The following PAPPA2 variants were observed in gnomAD, a reference collection of about 807,000 sequenced individuals.
The protein encoded by PAPPA2 is pappalysin-2.
PAPPA2 carries 86 observed loss-of-function variants against 176.4 expected under a neutral mutation model. That is an observed-to-expected ratio of 0.49 (90% CI 0.41 to 0.58). The LOEUF (loss-of-function observed/expected upper bound fraction) is 0.58. Ranked by LOEUF, PAPPA2 falls within the 20% of genes least tolerant of loss-of-function variation. The pLI is 0.00. For missense variants in PAPPA2, 2,073 were observed against 2,256.9 expected (o/e 0.92, Z 1.65); for synonymous variants, 809 against 852.2 (o/e 0.95, Z 0.88).
intron 3 of PAPPA2, among the ~76,000 whole-genome samples, chr1:176,660,376 T>A (rs1658295032): frequency 6.6e-6 from 1 of 151,560 alleles, no homozygotes; most frequent in South Asian, 2.1e-4. Flanking sequence ...AAGTGTAGAT[T>A]TTACATCAGA....
intron 12 of PAPPA2, among the ~76,000 whole-genome samples, chr1:176,731,696 TAC>T (rs1042928112): frequency 6.6e-6 from 1 of 151,948 alleles, no homozygotes; most frequent in Non-Finnish European, 1.5e-5. Context: ...CATATATGTG[TAC>T]ATATATGTGT....
intron 3 of PAPPA2, among the ~76,000 whole-genome samples, chr1:176,649,053 C>T (rs1657565148): frequency 6.6e-6 from 1 of 151,342 alleles, no homozygotes; most frequent in African/African-American, 2.4e-5. Flanking sequence ...ACAGTGAAGC[C>T]ATCAGGTCCT....
intron 2 of PAPPA2, among the ~76,000 whole-genome samples, chr1:176,587,825 C>T (rs1653414419): frequency 6.6e-6 from 1 of 152,218 alleles, no homozygotes; most frequent in Admixed American, 6.5e-5. Context: ...AGCAAACCAA[C>T]ATGGCACACG....
intron 14 of PAPPA2, among the ~76,000 whole-genome samples, chr1:176,758,113 AT>A (rs1663515399): frequency 6.6e-6 from 1 of 152,130 alleles, no homozygotes; most frequent in Non-Finnish European, 1.5e-5. Context: ...ATAATTCAAC[AT>A]TTTTCTATCA....
At chr1:176,710,336 T>C (rs1661088081) in intron 11 of PAPPA2, among the ~76,000 whole-genome samples, 160 bp downstream of exon 11, 1 of 152,156 alleles carries the variant, frequency 6.6e-6, no homozygotes, top group Non-Finnish European at 1.5e-5. Flanking sequence ...GCTATTACAA[T>C]TACATGATGT....
At chr1:176,561,166 G>A (rs1436340162) in intron 2 of PAPPA2, among the ~76,000 whole-genome samples, 1 of 152,098 alleles carries the variant, frequency 6.6e-6, no homozygotes, top group East Asian at 1.9e-4. Flanking sequence ...GCTTTTCTAT[G>A]CCTTCATTTC....
intron 1 of PAPPA2, among the ~76,000 whole-genome samples, chr1:176,481,034 C>T (rs917788796): frequency 1.3e-5 from 2 of 152,070 alleles, no homozygotes; most frequent in Non-Finnish European, 2.9e-5. Flanking sequence ...CCTACCTGCA[C>T]CACCCACTCT....
Position 176,616,839 on chromosome 1 carries a change from T to C in PAPPA2, c.1991+21244T>C, listed in dbSNP as rs1655291816. 9 of 592,276 alleles carry C rather than the reference T, an allele frequency of 1.5e-5. No individual in the cohort carries two copies. The East Asian group carries it at 3.5e-4, about 23-fold the overall frequency. The allele number at this position is 592,276 out of a possible 1,614,324, so 36.7% of individuals were successfully genotyped here. A position where few individuals can be genotyped will look rare whatever the true frequency, so the allele number is the denominator to read the frequency against. On this transcript the variant is annotated intron_variant, in intron 3 of 22. Coordinates refer to ENST00000367662, the MANE Select transcript of PAPPA2 (RefSeq NM_020318.3). ...ATAGGGTTATGAAATAATTAAAAAA[T>C]TGAATACAGAAATGATTCAAAGAAA...
In PAPPA2 at chr1:176,699,390, G is replaced by A. The variant is rs189818479; in HGVS notation, c.3037G>A (p.Val1013Met). The A allele has an allele frequency of 6.3e-5, 101 of 1,614,152 alleles. No homozygotes were observed. The East Asian group carries it at 8.0e-4, about 13-fold the overall frequency. The change falls in exon 8 of 23, where the codon GTG becomes ATG. Residue 1013 changes from valine (V) to methionine (M), a missense_variant. Val to Met is a conservative substitution (Grantham distance 21, BLOSUM62 1). Around this residue, in one of 4 missense-constraint regions of PAPPA2, gnomAD observed 1,196 missense variants for 1,330.4 expected, o/e 0.90. Coordinates refer to ENST00000367662, the MANE Select transcript of PAPPA2 (RefSeq NM_020318.3). ...CDIPLTIKLH[V>M]DGKVSGVKVY... ...CATCCCACTCACCATCAAACTGCAC[G>A]TGGATGGGAAGGTGTCGGGGGTGAA...
At chr1:176,533,564 G>T (rs1007756723) in intron 1 of PAPPA2, among the ~76,000 whole-genome samples, 1 of 152,202 alleles carries the variant, frequency 6.6e-6, no homozygotes, top group East Asian at 1.9e-4. Context: ...AGCTGGAGGC[G>T]TGAGGATGTT....
intron 3 of PAPPA2, among the ~76,000 whole-genome samples, chr1:176,627,585 G>A (rs748356518): frequency 1.3e-5 from 2 of 152,118 alleles, no homozygotes; most frequent in Non-Finnish European, 2.9e-5. Flanking sequence ...CTTAAAAAAG[G>A]TGTTATTTTC....
At chr1:176,801,150 T>G (rs934383994) in intron 21 of PAPPA2, among the ~76,000 whole-genome samples, 1 of 151,400 alleles carries the variant, frequency 6.6e-6, no homozygotes, top group Admixed American at 6.6e-5. Context: ...AACCTAAGAA[T>G]AGCCAGTGAC....
rs1222856453 is a variant in PAPPA2, at chr1:176,518,671, G to C, written c.-916-36736G>C. On this transcript the variant is annotated intron_variant, in intron 1 of 22. Coordinates refer to ENST00000367662, the MANE Select transcript of PAPPA2 (RefSeq NM_020318.3). ...TAAACTCAGGAACCATCTGCATTTA[G>C]CATATTCCTGAACATGAGCCCACAT... 6.6e-5 allele frequency among the ~76,000 whole-genome samples: 10 copies of C among 152,244 alleles called. No individual in the cohort carries two copies. The East Asian group carries it at 1.9e-3, about 29-fold the overall frequency.
chr1:176,690,462 A>G (rs1256193670), intron 5 of PAPPA2, 32 bp downstream of exon 5: 27 of 1,602,170 alleles, frequency 1.7e-5, no homozygotes, highest in Non-Finnish European at 2.2e-5. Context: ...GTTTTCTGTT[A>G]AGAATACATG....
intron 1 of PAPPA2, among the ~76,000 whole-genome samples, chr1:176,469,678 C>T (rs1048200450): frequency 9.2e-5 from 14 of 152,136 alleles, no homozygotes; most frequent in African/African-American, 3.4e-4. Context: ...ATCCACTGGG[C>T]CAAAGTTCTG....
chr1:176,749,558 G>A (rs906814895), intron 14 of PAPPA2, among the ~76,000 whole-genome samples: 1 of 152,152 alleles, frequency 6.6e-6, no homozygotes, highest in Non-Finnish European at 1.5e-5. Context: ...ATCACACACA[G>A]CATTGTCACT....
At chr1:176,615,724 C>T (rs1380797814) in intron 3 of PAPPA2, among the ~76,000 whole-genome samples, 1 of 152,154 alleles carries the variant, frequency 6.6e-6, no homozygotes, top group Non-Finnish European at 1.5e-5. Flanking sequence ...CTAAGCAAAC[C>T]TGATGTATAC....
chr1:176,768,118 C>T (rs990149737), intron 15 of PAPPA2, among the ~76,000 whole-genome samples: 4 of 152,120 alleles, frequency 2.6e-5, no homozygotes, highest in Non-Finnish European at 5.9e-5. Context: ...TATCTTTGAC[C>T]TTTGATAATC....
intron 14 of PAPPA2, among the ~76,000 whole-genome samples, chr1:176,741,359 A>C (rs1405413044): frequency 1.3e-5 from 2 of 152,194 alleles, no homozygotes; most frequent in Admixed American, 6.5e-5. Context: ...GGCAGTGAGC[A>C]TGCTCACATA....
Sources: allele counts gnomAD v4.1 joint callset (sites outside exome capture counted in the v4.1 genomes callset), GRCh38; gene constraint gnomAD v4.1.1; regional missense constraint gnomAD v4.1.1; transcripts MANE v1.5; gene names NCBI Gene and HGNC (gene_info 2026-07-23, HGNC 2026-07-21).